The following CNTNAP3B variants were observed in gnomAD, a reference collection of about 807,000 sequenced individuals.
CNTNAP3B encodes the protein contactin associated protein family member 3B, also known as contactin-associated protein-like 3B.
In CNTNAP3B, 25 loss-of-function variants were observed where a neutral mutation model predicts 108.9. That is an observed-to-expected ratio of 0.23 (90% CI 0.17 to 0.32). CNTNAP3B has a LOEUF of 0.32. Ranked by LOEUF, CNTNAP3B falls within the 10% of genes least tolerant of loss-of-function variation. CNTNAP3B has a pLI of 1.00. For synonymous variants in CNTNAP3B, 103 were observed against 473.4 expected (o/e 0.22, Z 10.16); for missense variants, 252 against 1,210.4 (o/e 0.21, Z 11.75).
At chr9:42,036,049 G>A (rs556779292) in intron 3 of CNTNAP3B, among the ~76,000 whole-genome samples, 91 of 148,612 alleles carry the variant, frequency 6.1e-4, no homozygotes, top group Non-Finnish European at 1.9e-4. Context: ...CAGAGGTTGC[G>A]GTGAGCCAAG....
intron 3 of CNTNAP3B, among the ~76,000 whole-genome samples, chr9:42,070,707 C>T (rs1365444808): frequency 1.3e-5 from 2 of 152,164 alleles, no homozygotes; most frequent in Non-Finnish European, 2.9e-5. Flanking sequence ...ACAGCTGCTG[C>T]CTCTGGGCTC....
rs1404328232 is a variant in CNTNAP3B at position 41,963,761 on chromosome 9, C to A, written c.1756+777G>T. 3.3e-5 allele frequency among the ~76,000 whole-genome samples: 5 copies of A among 151,862 alleles called. No homozygotes were observed. In the East Asian group the frequency reaches 9.7e-4, roughly 29 times the overall value. On this transcript the variant is annotated intron_variant, in intron 11 of 23. Coordinates refer to ENST00000377561, the MANE Select transcript of CNTNAP3B (RefSeq NM_001201380.3). ...GAGCCAAGGCTGTGGAGCCAACCTCCTTAGCTCAACTCCTCATCTTCCCAC... is the reference window on the plus strand; with the variant it reads ...GAGCCAAGGCTGTGGAGCCAACCTCATTAGCTCAACTCCTCATCTTCCCAC...
At chr9:41,966,472 A>T in intron 10 of CNTNAP3B, among the ~76,000 whole-genome samples, 1 of 152,386 alleles carries the variant, frequency 6.6e-6, no homozygotes, top group South Asian at 2.1e-4. Flanking sequence ...AGACCAACAG[A>T]GGGGAAGATG....
At chr9:41,920,823 T>A (rs1277717809) in intron 17 of CNTNAP3B, among the ~76,000 whole-genome samples, 1,439 of 151,476 alleles carry the variant, frequency 9.5e-3, no homozygotes, top group African/African-American at 0.033. Flanking sequence ...AGGAAATGGA[T>A]AAGCAAAGGA....
intron 2 of CNTNAP3B, among the ~76,000 whole-genome samples, chr9:42,087,446 G>GTAAGTAGTAGTAA (rs1827728603): frequency 8.3e-6 from 1 of 120,286 alleles, no homozygotes; most frequent in Admixed American, 8.4e-5. Context: ...CTTACTACTT[G>GTAAGTAGTAGTAA]CTATAACTGC....
chr9:41,934,112 T>TACAC (rs1554739001), intron 14 of CNTNAP3B, among the ~76,000 whole-genome samples: 1 of 126,348 alleles, frequency 7.9e-6, no homozygotes, highest in African/African-American at 3.0e-5. Context: ...TATATATATA[T>TACAC]ATATATATAT....
intron 14 of CNTNAP3B, among the ~76,000 whole-genome samples, chr9:41,937,353 C>G (rs1377043794): frequency 6.6e-6 from 1 of 151,902 alleles, no homozygotes; most frequent in Non-Finnish European, 1.5e-5. Flanking sequence ...TCTCAACCTT[C>G]TGACCTCAGG....
Position 41,931,852 on chromosome 9 carries a change from A to T in CNTNAP3B, c.2238-2408T>A, listed in dbSNP as rs1251206593. On this transcript the variant is annotated intron_variant, in intron 14 of 23. Coordinates refer to ENST00000377561, the MANE Select transcript of CNTNAP3B (RefSeq NM_001201380.3). The stretch of plus-strand genomic sequence containing the variant: ...AATGCAATTTAATTATTTATGGAGG[A>T]TGCTTGTATTTTAAAAGATCTATTT... Among the ~76,000 whole-genome samples the T allele has an allele frequency of 2.0e-5, 3 of 146,604 alleles. No homozygotes were observed. The East Asian group carries it at 5.8e-4, about 29-fold the overall frequency.
chr9:42,119,777 G>T (rs1587287621), intron 1 of CNTNAP3B, among the ~76,000 whole-genome samples: 1 of 140,810 alleles, frequency 7.1e-6, no homozygotes, highest in Non-Finnish European at 1.5e-5. Context: ...GCCATAAGTA[G>T]AAAGCTGAAA....
intron 13 of CNTNAP3B, among the ~76,000 whole-genome samples, chr9:41,939,150 G>C (rs1304117749): frequency 6.6e-6 from 1 of 152,284 alleles, no homozygotes; most frequent in East Asian, 1.9e-4. Flanking sequence ...AGTGAAGATT[G>C]GGGTGATGGA....
chr9:41,940,890 C>A (rs1351824314), intron 13 of CNTNAP3B, among the ~76,000 whole-genome samples: 1 of 152,290 alleles, frequency 6.6e-6, no homozygotes, highest in African/African-American at 2.4e-5. Context: ...CAGACATTCC[C>A]TAAAGAATGG....
At position 42,086,362 on chromosome 9, in the gene CNTNAP3B, T is replaced by A. The variant is rs1240539505; in HGVS notation, c.197-9300A>T. ...CACAGCCAAACCATATCATCTACTA[T>A]GAATAATGTTGCTATGAATATATAT... is the stretch of plus-strand genomic sequence containing the variant. On this transcript the variant is annotated intron_variant, in intron 2 of 23. Coordinates refer to ENST00000377561, the MANE Select transcript of CNTNAP3B (RefSeq NM_001201380.3). Among the ~76,000 whole-genome samples the A allele has an allele frequency of 7.4e-5, 10 of 134,986 alleles. 1 individual carries two copies. The highest frequency in any genetic ancestry group is 1.6e-4 in the Non-Finnish European group (10 of 63,266). 88.6% of individuals were successfully genotyped at this position (134,986 alleles called of 152,430 possible).
chr9:42,034,102 A>G lies in CNTNAP3B; in HGVS notation c.391-20577T>C, dbSNP rs1320812547. ...ACGTAACCATAAACAGCTGGCCTGC[A>G]TTTTTTCTTCTATTTCTATATATCG... On this transcript the variant is annotated intron_variant, in intron 3 of 23. Transcript: ENST00000377561. Among the ~76,000 whole-genome samples, 4 of 107,606 alleles carry G rather than the reference A, an allele frequency of 3.7e-5. 1 individual carries two copies. The highest frequency in any genetic ancestry group is 7.7e-5 in the Non-Finnish European group (4 of 52,048). The allele number at this position is 107,606 out of a possible 152,430, so 70.6% of individuals were successfully genotyped here.
chr9:42,066,806 T>C (rs1428515634), intron 3 of CNTNAP3B, among the ~76,000 whole-genome samples: 1 of 139,428 alleles, frequency 7.2e-6, no homozygotes, highest in African/African-American at 2.8e-5. Context: ...TTTAGTCTCT[T>C]CTCTAATTGA....
chr9:41,931,064 T>C (rs1330663692), intron 14 of CNTNAP3B, among the ~76,000 whole-genome samples: 7 of 152,404 alleles, frequency 4.6e-5, no homozygotes, highest in South Asian at 2.1e-4. Flanking sequence ...AAATACTGTA[T>C]TTTTTAAATT....
intron 9 of CNTNAP3B, among the ~76,000 whole-genome samples, chr9:41,977,644 G>T (rs1339816310): frequency 3.9e-5 from 5 of 126,998 alleles, no homozygotes; most frequent in African/African-American, 1.3e-4. Context: ...TTGAGACGGC[G>T]TCTCACTCTG....
At chr9:41,961,091 GA>G (rs1178052479) in intron 11 of CNTNAP3B, among the ~76,000 whole-genome samples, 199 bp from the exon 12 acceptor site, 3 of 152,304 alleles carry the variant, frequency 2.0e-5, no homozygotes, top group African/African-American at 4.8e-5. Flanking sequence ...TAACAAAGGA[GA>G]AAAAAATTAC....
intron 17 of CNTNAP3B, among the ~76,000 whole-genome samples, chr9:41,921,576 A>G (rs1823668079): frequency 6.6e-6 from 1 of 152,276 alleles, no homozygotes; most frequent in Non-Finnish European, 1.5e-5. Context: ...AACAAGTGAG[A>G]GCTTTAATCT....
chr9:42,093,425 G>T (rs1308415412), intron 2 of CNTNAP3B, among the ~76,000 whole-genome samples: 1 of 94,568 alleles, frequency 1.1e-5, no homozygotes, highest in Admixed American at 1.1e-4. Flanking sequence ...GTAGATTTTA[G>T]CTACTTTGGA....
Sources: gnomAD v4.1 joint callset for allele counts (sites outside exome capture counted in the v4.1 genomes callset) on GRCh38, gnomAD v4.1.1 for gene constraint, MANE v1.5 for transcripts, NCBI Gene and HGNC (gene_info 2026-07-23, HGNC 2026-07-21) for gene names.